The following UGGT2 variants were observed in gnomAD, a reference collection of about 807,000 sequenced individuals.
UGGT2 encodes UDP-glucose:glycoprotein glucosyltransferase 2.
A neutral mutation model predicts 192.1 loss-of-function variants in UGGT2; 180 were observed. The ratio of observed to expected loss-of-function variants is 0.94; its 90% CI spans 0.83 to 1.06. The LOEUF (loss-of-function observed/expected upper bound fraction) is 1.06, where lower values mean the gene tolerates loss of function less well. Ranked by LOEUF, UGGT2 falls within the 50% of genes least tolerant of loss-of-function variation. The pLI, the probability that UGGT2 is intolerant of heterozygous loss-of-function variation, is 0.00. For missense variants in UGGT2, 1,849 were observed against 1,795.7 expected (o/e 1.03, Z -0.54); for synonymous variants, 580 against 591.0 (o/e 0.98, Z 0.27).
chr13:95,894,725 T>C (rs2047898612), intron 23 of UGGT2, 68 bp from the exon 24 acceptor site: 2 of 1,330,332 alleles, frequency 1.5e-6, no homozygotes, highest in African/African-American at 1.5e-5. Context: ...TTACAATTAA[T>C]GCTTCAAGAA....
chr13:95,995,981 A>G, intron 7 of UGGT2, 82 bp downstream of exon 7: 1 of 1,188,404 alleles, frequency 8.4e-7, no homozygotes, highest in South Asian at 1.3e-5. Context: ...AAGGTGAAGC[A>G]TATGGCAAAA....
chr13:95,939,172 C>T (rs1412333664), intron 16 of UGGT2, among the ~76,000 whole-genome samples: 3 of 152,208 alleles, frequency 2.0e-5, no homozygotes, highest in African/African-American at 7.2e-5. Flanking sequence ...TCAATCTACA[C>T]AGTAGCAACA....
At chr13:96,030,093 G>A (rs1235184287) in intron 2 of UGGT2, among the ~76,000 whole-genome samples, 1 of 152,156 alleles carries the variant, frequency 6.6e-6, no homozygotes, top group Non-Finnish European at 1.5e-5. Context: ...ACATTACTAA[G>A]TGATCGAGGT....
At chr13:95,915,835 G>A (rs2048664946) in intron 20 of UGGT2, among the ~76,000 whole-genome samples, 1 of 152,128 alleles carries the variant, frequency 6.6e-6, no homozygotes, top group African/African-American at 2.4e-5. Flanking sequence ...TCCTCACTGG[G>A]GAGGACCTCC....
At chr13:96,050,032 A>G (rs1410219613) in intron 1 of UGGT2, among the ~76,000 whole-genome samples, 2 of 152,228 alleles carry the variant, frequency 1.3e-5, no homozygotes, top group Non-Finnish European at 2.9e-5. Flanking sequence ...GACAATCCTA[A>G]GCAAAAAGAA....
chr13:95,936,974 G>A lies in UGGT2; in HGVS notation c.1927C>T (p.Leu643Phe). 1 of 1,598,214 alleles carries A rather than the reference G, an allele frequency of 6.3e-7. No homozygotes were observed. Among genetic ancestry groups the A allele is most frequent in the Non-Finnish European group, 8.5e-7 (1 of 1,176,356 alleles). ...ACAGATGCATCCATCATTCTTTGAA[G>A]AACAGCCATTTTTAGTTCTTTAATA... ...MNIKELKMAV[L>F]QRMMDASVYL... Residue 643 changes from leucine to phenylalanine, a missense_variant, in exon 17 of 39, where the codon CTT (leucine) becomes TTT (phenylalanine). By Grantham distance (22) the Leu-to-Phe change is conservative (BLOSUM62 0). Transcript: ENST00000376747.
At chr13:95,967,209 G>A (rs1791456034) in intron 12 of UGGT2, among the ~76,000 whole-genome samples, 2 of 150,386 alleles carry the variant, frequency 1.3e-5, no homozygotes, top group Non-Finnish European at 2.9e-5. Flanking sequence ...CTTGAGTGCA[G>A]TGGCACCATT....
chr13:95,983,791 A>T lies in UGGT2; in HGVS notation c.1092+13T>A. The T allele has an allele frequency of 6.6e-7, 1 of 1,523,532 alleles. No individual in the cohort carries two copies. The highest frequency in any genetic ancestry group is 2.3e-5 in the East Asian group (1 of 44,004). The allele number at this position is 1,523,532 out of a possible 1,614,324, so 94.4% of individuals were successfully genotyped here. On this transcript the variant is annotated intron_variant, in intron 10 of 38. Transcript: ENST00000376747. ...AGTTGGGTAAATGTTTTAAAAAAGG[A>T]ATTCAAACAAACCTTTTGATTTTCC...
chr13:95,903,435 G>A lies in UGGT2; in HGVS notation c.2296-375C>T, dbSNP rs559826255. Among the ~76,000 whole-genome samples the A allele has an allele frequency of 3.3e-5, 5 of 152,228 alleles. No homozygotes were observed. The South Asian group carries it at 6.2e-4, about 19-fold the overall frequency. On this transcript the variant is annotated intron_variant, in intron 20 of 38. Coordinates refer to ENST00000376747, the MANE Select transcript of UGGT2 (RefSeq NM_020121.4). ...CTCCAAAAAGATTCCGCAGATCTCT[G>A]TCAATTACCACACCCTCCCACTTTT...
At chr13:95,965,981 T>C (rs541490347) in intron 12 of UGGT2, among the ~76,000 whole-genome samples, 126 of 152,282 alleles carry the variant, frequency 8.3e-4, no homozygotes, top group African/African-American at 2.7e-3. Flanking sequence ...GAAAACACTA[T>C]GGAGATTCCT....
chr13:95,894,070 T>C (rs1179866311), intron 24 of UGGT2, among the ~76,000 whole-genome samples: 1 of 152,112 alleles, frequency 6.6e-6, no homozygotes, highest in Non-Finnish European at 1.5e-5. Flanking sequence ...ATCTGCTGAT[T>C]CACCTTGCTG....
At chr13:95,821,054 G>C (rs973486544) in intron 38 of UGGT2, among the ~76,000 whole-genome samples, 4 of 152,126 alleles carry the variant, frequency 2.6e-5, no homozygotes, top group African/African-American at 7.2e-5. Flanking sequence ...ACAAACGTGT[G>C]TGCATGTGTC....
rs147244556 is a variant in UGGT2 at position 95,970,129 on chromosome 13, G to T, written c.1318C>A (p.Arg440=). The change falls in exon 12 of 39, where the codon CGA becomes AGA. Residue 440 remains arginine (R), a synonymous_variant. Coordinates refer to ENST00000376747, the MANE Select transcript of UGGT2 (RefSeq NM_020121.4). The stretch of plus-strand genomic sequence containing the variant: ...GCACTTACCATTATAGAAGAATGTC[G>T]AATATCTAATACATAAGTATATTCC... ...IWEYTYVLDI[R]HSSIMWINDL... 1 of 1,607,874 alleles carries T rather than the reference G, an allele frequency of 6.2e-7. No homozygotes were observed. Among genetic ancestry groups the T allele is most frequent in the Non-Finnish European group, 8.5e-7 (1 of 1,175,148 alleles).
At chr13:95,807,417 T>A (rs901638379) in intron 38 of UGGT2, among the ~76,000 whole-genome samples, 3 of 152,148 alleles carry the variant, frequency 2.0e-5, no homozygotes, top group Admixed American at 2.0e-4. Context: ...CTGTCTAATT[T>A]TTTTGTTATT....
chr13:95,965,689 A>T (rs1423337957), intron 12 of UGGT2, among the ~76,000 whole-genome samples: 1 of 152,000 alleles, frequency 6.6e-6, no homozygotes, highest in Non-Finnish European at 1.5e-5. Context: ...ACATGTATAC[A>T]TATGTAACTA....
At chr13:95,983,726 G>C in intron 10 of UGGT2, 78 bp downstream of exon 10, 1 of 1,083,022 alleles carries the variant, frequency 9.2e-7, no homozygotes, top group Non-Finnish European at 1.3e-6. Flanking sequence ...TTCCTTTTTT[G>C]TATGAATATT....
chr13:96,021,026 A>G (rs934200803), intron 4 of UGGT2, among the ~76,000 whole-genome samples: 2 of 152,178 alleles, frequency 1.3e-5, no homozygotes, highest in Non-Finnish European at 2.9e-5. Flanking sequence ...GATGGATCCT[A>G]CAGAGTTGGC....
At chr13:96,031,838 T>C (rs774041887) in intron 2 of UGGT2, 51 bp downstream of exon 2, 3 of 1,335,924 alleles carry the variant, frequency 2.2e-6, no homozygotes, top group Non-Finnish European at 3.2e-6. Context: ...AACATTACAA[T>C]GTGTGTACAT....
At chr13:95,861,834 A>T (rs1462046825) in intron 31 of UGGT2, among the ~76,000 whole-genome samples, 1 of 149,290 alleles carries the variant, frequency 6.7e-6, no homozygotes, top group Non-Finnish European at 1.5e-5. Context: ...CTAAGTTAGG[A>T]CTAAAACTAA....
Sources: allele counts gnomAD v4.1 joint callset (sites outside exome capture counted in the v4.1 genomes callset), GRCh38; gene constraint gnomAD v4.1.1; transcripts MANE v1.5; gene names NCBI Gene and HGNC (gene_info 2026-07-23, HGNC 2026-07-21).